The following KIAA1217 variants were observed in gnomAD, a reference collection of about 807,000 sequenced individuals.
KIAA1217 encodes the protein KIAA1217, also known as sickle tail protein homolog.
In KIAA1217, 88 loss-of-function variants were observed where a neutral mutation model predicts 163.9. The ratio of observed to expected loss-of-function variants is 0.54; its 90% CI spans 0.45 to 0.64. The LOEUF is 0.64. KIAA1217 is among the 30% of genes least tolerant of loss of function. The pLI is 0.00. For missense variants in KIAA1217, 2,372 were observed against 2,475.0 expected (o/e 0.96, Z 0.88); for synonymous variants, 903 against 923.1 (o/e 0.98, Z 0.39).
chr10:24,218,444 GTAAAATTTGTCTAAGCCT>G (rs961564578), intron 1 of KIAA1217, among the ~76,000 whole-genome samples: 1 of 151,762 alleles, frequency 6.6e-6, no homozygotes, highest in African/African-American at 2.4e-5. Context: ...TCCACCTCAA[GTAAAATTTGTCTAAGCCT>G]TTACTTTATA....
intron 1 of KIAA1217, among the ~76,000 whole-genome samples, chr10:23,879,279 G>A (rs1043645326): frequency 6.6e-6 from 1 of 151,864 alleles, no homozygotes; most frequent in African/African-American, 2.4e-5. Context: ...TTAACCTTGT[G>A]ACTTAGGTTA....
intron 1 of KIAA1217, among the ~76,000 whole-genome samples, chr10:23,871,925 T>C (rs1588987950): frequency 6.6e-6 from 1 of 152,136 alleles, no homozygotes. Context: ...CAGGGATTAA[T>C]GCCAATGAGT....
chr10:24,206,300 C>T (rs1196882878), upstream of KIAA1217, among the ~76,000 whole-genome samples: 1 of 152,108 alleles, frequency 6.6e-6, no homozygotes, highest in Non-Finnish European at 1.5e-5. Context: ...TTTTTAAGCC[C>T]AGAAATTAAA....
chr10:23,728,104 A>G (rs576480033), intron 1 of KIAA1217, among the ~76,000 whole-genome samples: 2 of 152,296 alleles, frequency 1.3e-5, no homozygotes, highest in African/African-American at 4.8e-5. Flanking sequence ...GCTGCAATAA[A>G]CATACATGTG....
At chr10:24,481,381 G>A (rs967321652) in intron 6 of KIAA1217, 1 of 152,084 alleles carries the variant, frequency 6.6e-6, no homozygotes, top group African/African-American at 2.4e-5. Flanking sequence ...TTTGGCTTTG[G>A]TGATGCCCAG....
intron 1 of KIAA1217, among the ~76,000 whole-genome samples, chr10:23,804,911 A>G (rs1588855403): frequency 6.6e-6 from 1 of 152,124 alleles, no homozygotes; most frequent in African/African-American, 2.4e-5. Flanking sequence ...TTTAGTTAGG[A>G]TCTCTGATCT....
rs116922942 is a variant in KIAA1217 at position 24,122,157 on chromosome 10, C to T, written c.-170-97469C>T. On this transcript the variant is annotated intron_variant, in intron 2 of 18. Transcript: ENST00000376462. ...GGAAGTTTTCAGCCCTTCCCCCCAC[C>T]CTTTTGGAGTCCTTAGTGTCTCTTT... Among the ~76,000 whole-genome samples, 98 of 152,100 alleles carry T rather than the reference C, an allele frequency of 6.4e-4. 3 individuals carry two copies. The East Asian group carries it at 0.012, about 19-fold the overall frequency.
intron 1 of KIAA1217, among the ~76,000 whole-genome samples, chr10:23,841,019 C>G (rs924707720): frequency 5.9e-5 from 9 of 152,100 alleles, no homozygotes; most frequent in Admixed American, 5.9e-4. Flanking sequence ...TTTTCATTTC[C>G]TTGGGTATAA....
rs541420865 is a variant in KIAA1217 at position 23,884,202 on chromosome 10, G to T, written c.-320-123023G>T. Among the ~76,000 whole-genome samples, 4 of 151,992 alleles carry T rather than the reference G, an allele frequency of 2.6e-5. No homozygotes were observed. The South Asian group carries it at 8.3e-4, about 32-fold the overall frequency. On this transcript the variant is annotated intron_variant, in intron 1 of 18. Transcript: ENST00000376462. Reference sequence around the variant, plus strand: ...AACTACCCAACTTTCTTCCAATGTGGCTTCTCCATTTTGCATTCTCCCCAA... The same window carrying T: ...AACTACCCAACTTTCTTCCAATGTGTCTTCTCCATTTTGCATTCTCCCCAA...
chr10:24,158,764 A>G, intron 2 of KIAA1217: 1 of 490,446 alleles, frequency 2.0e-6, no homozygotes, highest in African/African-American at 2.0e-5. Context: ...TTGTATCCAA[A>G]GCAATGGAGT....
chr10:24,390,575 G>C, intron 3 of KIAA1217, among the ~76,000 whole-genome samples: 1 of 151,326 alleles, frequency 6.6e-6, no homozygotes, highest in African/African-American at 2.4e-5. Context: ...GAGAGAGGGA[G>C]GGAGGGAAGG....
At chr10:23,946,890 C>T (rs1456193517) in intron 1 of KIAA1217, among the ~76,000 whole-genome samples, 2 of 152,144 alleles carry the variant, frequency 1.3e-5, no homozygotes, top group African/African-American at 4.8e-5. Context: ...GTAGTTCCTA[C>T]AATCCCCACG....
chr10:24,310,243 G>A (rs1405687162), intron 2 of KIAA1217, among the ~76,000 whole-genome samples: 1 of 152,192 alleles, frequency 6.6e-6, no homozygotes, highest in African/African-American at 2.4e-5. Context: ...GCTTTTACCA[G>A]GCACCAGGTA....
At chr10:23,725,645 G>A (rs1197303296) in intron 1 of KIAA1217, among the ~76,000 whole-genome samples, 1 of 152,168 alleles carries the variant, frequency 6.6e-6, no homozygotes, top group Non-Finnish European at 1.5e-5. Flanking sequence ...GTAGTTAATG[G>A]AATAATTAAT....
intron 1 of KIAA1217, among the ~76,000 whole-genome samples, chr10:23,851,768 G>A (rs1839343389): frequency 6.6e-6 from 1 of 152,104 alleles, no homozygotes; most frequent in African/African-American, 2.4e-5. Context: ...GGCCAGTGAT[G>A]GTGAGCATTT....
chr10:23,747,122 T>G (rs1166110619), intron 1 of KIAA1217, among the ~76,000 whole-genome samples: 1 of 152,128 alleles, frequency 6.6e-6, no homozygotes, highest in Non-Finnish European at 1.5e-5. Flanking sequence ...CTTTCTAGTA[T>G]GCATGGCACT....
chr10:24,518,048 AAAT>A (rs1160120921), intron 10 of KIAA1217, among the ~76,000 whole-genome samples: 2 of 152,188 alleles, frequency 1.3e-5, no homozygotes, highest in Non-Finnish European at 2.9e-5. Context: ...TTCTACATGA[AAAT>A]AATAATTGGT....
intron 3 of KIAA1217, among the ~76,000 whole-genome samples, chr10:24,405,620 G>A (rs189822064): frequency 7.2e-5 from 11 of 152,246 alleles, no homozygotes; most frequent in East Asian, 3.9e-4. Context: ...CTAAACCTAC[G>A]ATGCTATTTT....
At chr10:24,234,656 C>CAAAAAAA (rs71397938) in intron 2 of KIAA1217, among the ~76,000 whole-genome samples, 4 of 73,366 alleles carry the variant, frequency 5.5e-5, no homozygotes, top group East Asian at 9.8e-4. Flanking sequence ...AAAACTGTCT[C>CAAAAAAA]AAAAAAAAAA....
Sources: gnomAD v4.1 joint callset for allele counts (sites outside exome capture counted in the v4.1 genomes callset) on GRCh38, gnomAD v4.1.1 for gene constraint, MANE v1.5 for transcripts, NCBI Gene and HGNC (gene_info 2026-07-23, HGNC 2026-07-21) for gene names.